Variants in PGAP2 observed in about 807,000 individuals in gnomAD.
PGAP2 encodes acyltransferase PGAP2.
Under a neutral mutation model 33.2 loss-of-function variants are expected in PGAP2, and 21 were observed. That is an observed-to-expected ratio of 0.63 (90% CI 0.45 to 0.91). The LOEUF is 0.91. PGAP2 is among the 40% of genes least tolerant of loss of function. The pLI, the probability that PGAP2 is intolerant of heterozygous loss-of-function variation, is 0.00. For missense variants in PGAP2, 345 were observed against 424.0 expected, an observed-to-expected ratio of 0.81 and a Z score of 1.64; for synonymous variants, 161 against 172.9, an observed-to-expected ratio of 0.93 and a Z score of 0.54.
chr11:3,808,067 C>CGGG, upstream of PGAP2: 1 of 1,116,808 alleles, frequency 9.0e-7, no homozygotes, highest in Non-Finnish European at 1.2e-6. Flanking sequence ...TGTGCCTCAC[C>CGGG]GGGTCTCACT....
intron 1 of PGAP2, among the ~76,000 whole-genome samples, chr11:3,800,488 ATTAAT>A (rs1369246507): frequency 6.6e-6 from 1 of 152,184 alleles, no homozygotes; most frequent in African/African-American, 2.4e-5. Flanking sequence ...AAATTTATTT[ATTAAT>A]TTAATTTAAT....
At position 3,811,922 on chromosome 11, in the gene PGAP2, C is replaced by G. The variant is rs746120876; in HGVS notation, c.165+498C>G. ...TGCCTGTCTCTGTAGGAATGTGACTCAGTATATGTGTGTGTGATTGTGAGG... is the reference window on the plus strand; with the variant it reads ...TGCCTGTCTCTGTAGGAATGTGACTGAGTATATGTGTGTGTGATTGTGAGG... On this transcript the variant is annotated intron_variant, in intron 2 of 6. Coordinates refer to ENST00000278243, the MANE Select transcript of PGAP2 (RefSeq NM_014489.4). The surrounding 1 kb of genome is among the most constrained non-coding windows in gnomAD (Gnocchi z 4.6). Among the ~76,000 whole-genome samples, 1 of 152,062 alleles carries G rather than the reference C, an allele frequency of 6.6e-6. No homozygotes were observed. The highest frequency in any genetic ancestry group is 2.4e-5 in the African/African-American group (1 of 41,386).
chr11:3,811,917 T>C lies in PGAP2; in HGVS notation c.165+493T>C, dbSNP rs1348004116. 6.6e-6 allele frequency among the ~76,000 whole-genome samples: 1 copy of C among 152,184 alleles called. No homozygotes were observed. Among genetic ancestry groups the C allele is most frequent in the Non-Finnish European group, 1.5e-5 (1 of 68,030 alleles). ...GCTTGTGCCTGTCTCTGTAGGAATG[T>C]GACTCAGTATATGTGTGTGTGATTG... is the stretch of plus-strand genomic sequence containing the variant. On this transcript the variant is annotated intron_variant, in intron 2 of 6. Coordinates refer to ENST00000278243, the MANE Select transcript of PGAP2 (RefSeq NM_014489.4). This position sits in a 1 kb window ranked among gnomAD's most constrained non-coding sequence, Gnocchi z 4.6.
At chr11:3,804,191 C>G (rs1191513250), upstream of PGAP2, among the ~76,000 whole-genome samples, 1 of 151,866 alleles carries the variant, frequency 6.6e-6, no homozygotes, top group African/African-American at 2.4e-5. Flanking sequence ...CTTAACTTAC[C>G]AAAGTGTCAT....
At chr11:3,814,752 CTTTCTTTCTTT>C (rs2086428968) in intron 2 of PGAP2, among the ~76,000 whole-genome samples, 4 of 79,420 alleles carry the variant, frequency 5.0e-5, no homozygotes, top group African/African-American at 2.3e-4. Flanking sequence ...TCCTTCTTTT[CTTTCTTTCTTT>C]CTTTCTTTCT....
intron 2 of PGAP2, among the ~76,000 whole-genome samples, chr11:3,813,388 A>T (rs987104898): frequency 6.4e-5 from 8 of 124,464 alleles, no homozygotes; most frequent in African/African-American, 2.0e-4. Flanking sequence ...AGCTTAATTA[A>T]AAAAAAAATT....
upstream of PGAP2, among the ~76,000 whole-genome samples, chr11:3,803,931 C>A (rs2134178153): frequency 1.3e-5 from 2 of 152,092 alleles, no homozygotes; most frequent in Middle Eastern, 3.4e-3. Context: ...GCTGGGACTT[C>A]AGGCGCGTGC....
chr11:3,812,777 CT>C (rs2085869820), intron 2 of PGAP2, among the ~76,000 whole-genome samples: 1 of 152,180 alleles, frequency 6.6e-6, no homozygotes, highest in African/African-American at 2.4e-5. Flanking sequence ...TGGAGCCCCA[CT>C]TCTTTACTTC....
At chr11:3,821,866 C>T (rs1338133514) in intron 3 of PGAP2, among the ~76,000 whole-genome samples, 2 of 150,046 alleles carry the variant, frequency 1.3e-5, no homozygotes, top group Non-Finnish European at 3.0e-5. Context: ...AGTTTTAGAC[C>T]AGCCTGGGCA....
chr11:3,800,285 A>G (rs2083255251), intron 1 of PGAP2, among the ~76,000 whole-genome samples: 1 of 152,136 alleles, frequency 6.6e-6, no homozygotes, highest in African/African-American at 2.4e-5. Flanking sequence ...CTCCAAGCCC[A>G]ATTATTTTTA....
At chr11:3,799,971 G>GA (rs946091124) in intron 1 of PGAP2, among the ~76,000 whole-genome samples, 16 of 151,838 alleles carry the variant, frequency 1.1e-4, no homozygotes, top group African/African-American at 3.6e-4. Flanking sequence ...CCGACTGGGG[G>GA]AAAAAAAAGG....
rs1205566846 is a variant in PGAP2 at position 3,817,552 on chromosome 11, C to G, written c.348+17C>G. 5.6e-6 allele frequency: 9 copies of G among 1,611,428 alleles called. No homozygotes were observed. The highest frequency in any genetic ancestry group is 6.8e-6 in the Non-Finnish European group (8 of 1,177,542). On this transcript the variant is annotated intron_variant, in intron 3 of 6. Transcript: ENST00000278243. ...GACTGTGGGGTGAGTGCCAGCTCCC[C>G]AGCCCCTGGGTCAGGGCCAGGTCAG...
Position 3,823,902 on chromosome 11 carries a change from C to T in PGAP2, c.368C>T (p.Ser123Leu), listed in dbSNP as rs753713581. 8.7e-6 allele frequency: 14 copies of T among 1,604,784 alleles called. No homozygotes were observed. Among genetic ancestry groups the T allele is most frequent in the South Asian group, 1.1e-5 (1 of 91,070 alleles). The change falls in exon 4 of 7, where the codon TCG becomes TTG. Residue 123 changes from serine to leucine, a missense_variant. Physicochemically the swap from Ser to Leu is moderately radical, Grantham distance 145. Coordinates refer to ENST00000278243, the MANE Select transcript of PGAP2 (RefSeq NM_014489.4). The stretch of plus-strand genomic sequence containing the variant: ...CTCTAGGTGCCCAATTACCTGCCCT[C>T]GGTGAGCTCAGCCATCGGCGGGGAG... ...TDCGVPNYLPSVSSAIGGEVP... is the reference protein window; with the variant it reads ...TDCGVPNYLPLVSSAIGGEVP...
intron 3 of PGAP2, among the ~76,000 whole-genome samples, chr11:3,820,620 A>G (rs1199117640): frequency 6.6e-6 from 1 of 151,990 alleles, no homozygotes; most frequent in Admixed American, 6.6e-5. Context: ...AGACCGCACC[A>G]TTGCACTCCA....
chr11:3,815,307 CTTCT>C (rs1347070681), intron 2 of PGAP2, among the ~76,000 whole-genome samples: 3 of 150,894 alleles, frequency 2.0e-5, no homozygotes, highest in Admixed American at 6.6e-5. Flanking sequence ...AGTCTGTCTT[CTTCT>C]TTTTTTTTTT....
intron 2 of PGAP2, among the ~76,000 whole-genome samples, chr11:3,812,276 T>G (rs2085746299): frequency 6.6e-6 from 1 of 152,060 alleles, no homozygotes; most frequent in South Asian, 2.1e-4. Flanking sequence ...TGAAATAGAA[T>G]TGATTAGCTG....
Position 3,824,971 on chromosome 11 carries a change from G to C in PGAP2, c.709-49G>C, listed in dbSNP as rs375244705. 12 of 1,611,580 alleles carry C rather than the reference G, an allele frequency of 7.4e-6. No individual in the cohort carries two copies. In the African/African-American group the frequency reaches 1.5e-4, roughly 20 times the overall value. ...AGTTAGGGCTGAGAGGGGAGCCCAC[G>C]CTCTCATACCCAGCAAGCTGCAGAG... On this transcript the variant is annotated intron_variant, in intron 5 of 6. Transcript: ENST00000278243.
rs765779375 is a variant in PGAP2 at position 3,824,155 on chromosome 11, A to G, written c.601+20A>G. 1 of 1,613,518 alleles carries G rather than the reference A, an allele frequency of 6.2e-7. No homozygotes were observed. The highest frequency in any genetic ancestry group is 8.5e-7 in the Non-Finnish European group (1 of 1,179,634). Reference sequence around the variant, plus strand: ...ACTTCAGTGGGTGCCTGGATGAGGGAGGAGTGGGGAAGTGTTCCCTGAGGG... The same window carrying G: ...ACTTCAGTGGGTGCCTGGATGAGGGGGGAGTGGGGAAGTGTTCCCTGAGGG... On this transcript the variant is annotated intron_variant, in intron 4 of 6. Coordinates refer to ENST00000278243, the MANE Select transcript of PGAP2 (RefSeq NM_014489.4).
chr11:3,823,726 G>A, intron 3 of PGAP2, 157 bp from the exon 4 acceptor site: 1 of 1,597,982 alleles, frequency 6.3e-7, no homozygotes. Context: ...TGGAAGGAGA[G>A]GTCTTTTGGG....
Sources: allele counts gnomAD v4.1 joint callset (sites outside exome capture counted in the v4.1 genomes callset), GRCh38; gene constraint gnomAD v4.1.1; non-coding constraint Gnocchi (gnomAD v3.1); transcripts MANE v1.5; gene names NCBI Gene and HGNC (gene_info 2026-07-23, HGNC 2026-07-21).